Variants in RASGRP3 observed in about 807,000 individuals in gnomAD.
RASGRP3 encodes ras guanyl-releasing protein 3.
Under a neutral mutation model 82.7 loss-of-function variants are expected in RASGRP3, and 54 were observed. The ratio of observed to expected loss-of-function variants is 0.65; its 90% confidence interval spans 0.52 to 0.82. The LOEUF is 0.82. Among genes scored for constraint, RASGRP3 ranks in the 40% least tolerant of loss-of-function variants. The pLI, the probability that RASGRP3 is intolerant of heterozygous loss-of-function variation, is 0.00. For missense variants in RASGRP3, 861 were observed against 828.9 expected (o/e 1.04, Z -0.48); for synonymous variants, 309 against 300.5 (o/e 1.03, Z -0.29).
At chr2:33,491,968 T>G (rs1478984370) in intron 1 of RASGRP3, among the ~76,000 whole-genome samples, 5 of 152,092 alleles carry the variant, frequency 3.3e-5, no homozygotes, top group Non-Finnish European at 2.9e-5. Context: ...GAGTCAGGAG[T>G]AGTAGTTCTA....
At chr2:33,467,787 G>T (rs1261712005) in intron 2 of RASGRP3, among the ~76,000 whole-genome samples, 1 of 152,152 alleles carries the variant, frequency 6.6e-6, no homozygotes, top group African/African-American at 2.4e-5. Context: ...TAAGGCGGTG[G>T]CTCAGATAGG....
chr2:33,480,690 G>T (rs1370861914), intron 1 of RASGRP3, among the ~76,000 whole-genome samples: 1 of 152,182 alleles, frequency 6.6e-6, no homozygotes. Flanking sequence ...GCCCAATTGT[G>T]TGTTTCAAAG....
intron 2 of RASGRP3, among the ~76,000 whole-genome samples, chr2:33,451,148 G>A (rs1665779134): frequency 6.6e-6 from 1 of 151,978 alleles, no homozygotes; most frequent in African/African-American, 2.4e-5. Context: ...ACAGGTGTGA[G>A]CCACCGTGCC....
intron 13 of RASGRP3, among the ~76,000 whole-genome samples, chr2:33,546,531 A>G (rs1674778389): frequency 5.3e-5 from 8 of 152,212 alleles, no homozygotes; most frequent in Admixed American, 5.2e-4. Flanking sequence ...CCATTGTGGA[A>G]AGCAGTATGG....
rs573445514 is a variant in RASGRP3 at position 33,562,512 on chromosome 2, C to T, written c.2065-217C>T. On this transcript the variant is annotated intron_variant, in intron 17 of 17. Coordinates refer to ENST00000403687, the MANE Select transcript of RASGRP3 (RefSeq NM_001139488.2). Reference sequence around the variant, plus strand: ...TCTTGAACTCCTGGCCTCAAGTGATCCTCCCACCTCAGCCTCCCAAAGCTC... The same window carrying T: ...TCTTGAACTCCTGGCCTCAAGTGATTCTCCCACCTCAGCCTCCCAAAGCTC... 3.5e-3 allele frequency among the ~76,000 whole-genome samples: 536 copies of T among 152,148 alleles called. 3 individuals carry two copies. The highest frequency in any genetic ancestry group is 5.7e-3 in the Non-Finnish European group (387 of 67,970).
At chr2:33,462,540 G>A (rs1411747613) in intron 2 of RASGRP3, among the ~76,000 whole-genome samples, 3 of 151,968 alleles carry the variant, frequency 2.0e-5, no homozygotes, top group Admixed American at 6.6e-5. Context: ...ACCATAGCCC[G>A]GCTAGATTTG....
intron 11 of RASGRP3, among the ~76,000 whole-genome samples, chr2:33,537,231 C>A (rs1673703427): frequency 6.7e-6 from 1 of 148,566 alleles, no homozygotes; most frequent in Non-Finnish European, 1.5e-5. Context: ...CTGTGCTGAT[C>A]AGTAGTGAGA....
intron 1 of RASGRP3, among the ~76,000 whole-genome samples, chr2:33,447,225 G>A (rs1665549855): frequency 6.6e-6 from 1 of 152,116 alleles, no homozygotes; most frequent in African/African-American, 2.4e-5. Flanking sequence ...AAAACAGTGA[G>A]AATCAGGGAC....
chr2:33,516,790 C>A (rs912092639), intron 4 of RASGRP3, 146 bp downstream of exon 4: 4 of 554,626 alleles, frequency 7.2e-6, no homozygotes, highest in African/African-American at 1.9e-5. Flanking sequence ...GATGTCTAGA[C>A]AAAACACATC....
intron 1 of RASGRP3, chr2:33,481,081 T>A (rs1667849682): frequency 2.0e-5 from 3 of 152,202 alleles, no homozygotes. Context: ...ATGGGAAAAG[T>A]AACTGTCAGA....
In RASGRP3 at chr2:33,537,320, A is replaced by ACACACCC. The variant is rs771052774; in HGVS notation, c.1162-1773_1162-1772insACACCCC. On this transcript the variant is annotated intron_variant, in intron 11 of 17. Transcript: ENST00000403687. ...GTCTCTAAAATACACACACACACACACCGCCCCCCCCACACACACACACAA... is the reference window on the plus strand; with the variant it reads ...GTCTCTAAAATACACACACACACACACACACCCCCGCCCCCCCCACACACACACACAA... Among the ~76,000 whole-genome samples the ACACACCC allele has an allele frequency of 5.0e-3, 166 of 33,272 alleles. 10 individuals carry two copies. The highest frequency in any genetic ancestry group is 0.016 in the Middle Eastern group (1 of 64). The allele number at this position is 33,272 out of a possible 152,430, so 21.8% of individuals were successfully genotyped here.
intron 12 of RASGRP3, chr2:33,539,924 C>G (rs1303848021): frequency 2.0e-5 from 3 of 151,346 alleles, no homozygotes; most frequent in Non-Finnish European, 2.9e-5. Context: ...GGAAGCAGAG[C>G]TTGCAGTGAG....
intron 1 of RASGRP3, among the ~76,000 whole-genome samples, chr2:33,490,086 A>G (rs764322455): frequency 4.6e-5 from 7 of 152,130 alleles, no homozygotes; most frequent in Non-Finnish European, 8.8e-5. Flanking sequence ...ACTATTATCC[A>G]TGTTTGTAAC....
At chr2:33,465,644 T>A (rs1666652740) in intron 2 of RASGRP3, among the ~76,000 whole-genome samples, 1 of 152,232 alleles carries the variant, frequency 6.6e-6, no homozygotes, top group African/African-American at 2.4e-5. Context: ...GGTAGCTACA[T>A]TATACAACAG....
chr2:33,493,736 A>G (rs1321070895), intron 1 of RASGRP3, among the ~76,000 whole-genome samples: 1 of 151,884 alleles, frequency 6.6e-6, no homozygotes, highest in Non-Finnish European at 1.5e-5. Flanking sequence ...CTATCATTTT[A>G]GACCAAGTTC....
chr2:33,545,031 A>G (rs1419718586), intron 13 of RASGRP3, among the ~76,000 whole-genome samples: 1 of 152,108 alleles, frequency 6.6e-6, no homozygotes, highest in Non-Finnish European at 1.5e-5. Flanking sequence ...CTAACTACCC[A>G]CTTCTTTGCT....
rs1239697681 is a variant in RASGRP3 at position 33,559,699 on chromosome 2, A to G, written c.2064+669A>G. ...AGAGAAAGGATTTGAGAAAATTGGCATGATATTCCTAACATTTAAAGCAAT... is the reference window on the plus strand; with the variant it reads ...AGAGAAAGGATTTGAGAAAATTGGCGTGATATTCCTAACATTTAAAGCAAT... On this transcript the variant is annotated intron_variant, in intron 17 of 17. Coordinates refer to ENST00000403687, the MANE Select transcript of RASGRP3 (RefSeq NM_001139488.2). 10 of 505,668 alleles carry G rather than the reference A, an allele frequency of 2.0e-5. No homozygotes were observed. In the East Asian group the frequency reaches 4.9e-4, roughly 25 times the overall value. The allele number at this position is 505,668 out of a possible 1,614,324, so 31.3% of individuals were successfully genotyped here. A position where few individuals can be genotyped will look rare whatever the true frequency, so the allele number is the denominator to read the frequency against.
At chr2:33,489,846 T>C (rs923131797) in intron 1 of RASGRP3, among the ~76,000 whole-genome samples, 7 of 152,242 alleles carry the variant, frequency 4.6e-5, no homozygotes, top group African/African-American at 1.7e-4. Context: ...TGACAGATTG[T>C]TGATGAGGAC....
chr2:33,521,066 G>C (rs1201070520), intron 6 of RASGRP3, among the ~76,000 whole-genome samples: 1 of 152,146 alleles, frequency 6.6e-6, no homozygotes, highest in Non-Finnish European at 1.5e-5. Flanking sequence ...GGCGTTACCT[G>C]GGAGCTCATT....
Sources: allele counts gnomAD v4.1 joint callset (sites outside exome capture counted in the v4.1 genomes callset), GRCh38; gene constraint gnomAD v4.1.1; transcripts MANE v1.5; gene names NCBI Gene and HGNC (gene_info 2026-07-23, HGNC 2026-07-21).